XPO1: variants seen among roughly 807,000 people sequenced by gnomAD.
XPO1 encodes exportin-1.
In XPO1, 5 loss-of-function variants were observed where a neutral mutation model predicts 133.3. The ratio of observed to expected loss-of-function variants is 0.04; its 90% CI spans 0.02 to 0.08. The LOEUF (loss-of-function observed/expected upper bound fraction) is 0.08, where lower values mean the gene tolerates loss of function less well. Ranked by LOEUF, XPO1 falls within the 10% of genes least tolerant of loss-of-function variation. XPO1 has a pLI of 1.00. For missense variants in XPO1, 506 were observed against 1,267.5 expected (o/e 0.40, Z 9.12); for synonymous variants, 419 against 408.2 (o/e 1.03, Z -0.32).
chr2:61,480,270 A>ATCAG (rs1312491377), intron 24 of XPO1: 3 of 145,368 alleles, frequency 2.1e-5, no homozygotes, highest in Non-Finnish European at 4.5e-5. Flanking sequence ...CTTCGTAGCT[A>ATCAG]TCAGTTAACT....
At chr2:61,507,444 C>T (rs1053544700) in intron 4 of XPO1, among the ~76,000 whole-genome samples, 14 of 152,006 alleles carry the variant, frequency 9.2e-5, no homozygotes, top group East Asian at 3.9e-4. Context: ...CACAGTCGTT[C>T]GTGCCTATAC....
Position 61,537,571 on chromosome 2 carries a change from G to T in XPO1, c.-16C>A. 1 of 151,436 alleles carries T rather than the reference G, an allele frequency of 6.6e-6. No individual in the cohort carries two copies. The highest frequency in any genetic ancestry group is 1.9e-4 in the South Asian group (1 of 5,374). The allele number at this position is 151,436 out of a possible 1,614,324, so 9.4% of individuals were successfully genotyped here. ...GACACAGTCGACTTACCCAGAGATT[G>T]AACCAACTGCTCCTTCCTTCCTCGT... On this transcript the variant is annotated 5_prime_UTR_variant, in exon 1 of 25. Coordinates refer to ENST00000401558, the MANE Select transcript of XPO1 (RefSeq NM_003400.4).
chr2:61,537,387 A>G (rs1406952909), intron 1 of XPO1, among the ~76,000 whole-genome samples, 175 bp downstream of exon 1: 1 of 150,162 alleles, frequency 6.7e-6, no homozygotes, highest in Admixed American at 6.6e-5. Flanking sequence ...CCAGCGGCAA[A>G]AGCGGCTCCA....
In XPO1 at chr2:61,478,137, C is replaced by A; in HGVS notation, c.*683G>T. 4.3e-6 allele frequency: 1 copy of A among 231,520 alleles called. No homozygotes were observed. Among genetic ancestry groups the A allele is most frequent in the Non-Finnish European group, 8.6e-6 (1 of 116,734 alleles). The allele number at this position is 231,520 out of a possible 1,614,324, so 14.3% of individuals were successfully genotyped here. A position where few individuals can be genotyped will look rare whatever the true frequency, so the allele number is the denominator to read the frequency against. ...GAGTTAATGAAGGCTCACAAATGAG[C>A]AACACTCCTCATTGAGGAAAACAAA... On this transcript the variant is annotated 3_prime_UTR_variant, in exon 25 of 25. Coordinates refer to ENST00000401558, the MANE Select transcript of XPO1 (RefSeq NM_003400.4).
chr2:61,497,117 T>C (rs2104474002), intron 9 of XPO1, 110 bp from the exon 10 acceptor site: 1 of 1,367,900 alleles, frequency 7.3e-7, no homozygotes. Context: ...TAGGGGTAGA[T>C]GTCAAAAACA....
At chr2:61,536,583 G>C (rs1022211880) in intron 1 of XPO1, 1 of 152,264 alleles carries the variant, frequency 6.6e-6, no homozygotes, top group African/African-American at 2.4e-5. Context: ...CTGCTCCTTA[G>C]GTTGTGTGGG....
rs146788194 is a variant in XPO1 at position 61,492,585 on chromosome 2, A to G, written c.1548T>C (p.Phe516=). 9.2e-5 allele frequency: 149 copies of G among 1,612,164 alleles called. No individual in the cohort carries two copies. Among genetic ancestry groups the G allele is most frequent in the Non-Finnish European group, 1.2e-4 (138 of 1,179,528 alleles). Residue 516 remains phenylalanine, a synonymous_variant, in exon 14 of 25, where the codon TTT becomes TTC. Transcript: ENST00000401558. This position sits in a 1 kb window ranked among gnomAD's most constrained non-coding sequence, Gnocchi z 5.6. ...GAMHEEDEKR[F]LVTVIKDLLG... ...TGCATACCTTTATAACAGTAACAAGAAATCGTTTTTCGTCCTCTTCATGCA... is the reference window on the plus strand; with the variant it reads ...TGCATACCTTTATAACAGTAACAAGGAATCGTTTTTCGTCCTCTTCATGCA...
chr2:61,486,315 AGG>A (rs1696690988), intron 19 of XPO1, among the ~76,000 whole-genome samples: 1 of 152,122 alleles, frequency 6.6e-6, no homozygotes, highest in Non-Finnish European at 1.5e-5. Flanking sequence ...CTGGGACTAT[AGG>A]TATAGCACCA....
At chr2:61,491,459 A>ACACACACACACACAC (rs1696983059) in intron 16 of XPO1, among the ~76,000 whole-genome samples, 3 of 143,010 alleles carry the variant, frequency 2.1e-5, no homozygotes, top group African/African-American at 5.2e-5. Context: ...TCAAAAAACA[A>ACACACACACACACAC]ACACACACAC....
At chr2:61,528,736 TATA>T (rs1699023056) in intron 2 of XPO1, among the ~76,000 whole-genome samples, 1 of 1,890 alleles carries the variant, frequency 5.3e-4, no homozygotes, top group Non-Finnish European at 8.9e-4. Context: ...ATTTTATTTA[TATA>T]TATATATATA....
intron 19 of XPO1, among the ~76,000 whole-genome samples, chr2:61,487,081 C>G (rs1696732504): frequency 6.6e-6 from 1 of 151,430 alleles, no homozygotes; most frequent in Admixed American, 6.6e-5. Flanking sequence ...CTCTGGGGTT[C>G]AAGTGATTCT....
chr2:61,495,376 A>G, intron 11 of XPO1, 79 bp downstream of exon 11: 2 of 1,124,304 alleles, frequency 1.8e-6, no homozygotes, highest in Non-Finnish European at 2.4e-6. Flanking sequence ...AAAGGTACAT[A>G]CATTTTAGAA....
At chr2:61,480,873 A>G (rs1364937652) in intron 24 of XPO1, among the ~76,000 whole-genome samples, 6 of 152,146 alleles carry the variant, frequency 3.9e-5, no homozygotes, top group Non-Finnish European at 8.8e-5. Flanking sequence ...CAAAATTGGT[A>G]TAAAATTATA....
chr2:61,514,142 G>A (rs1311452568), intron 4 of XPO1, among the ~76,000 whole-genome samples: 9 of 150,428 alleles, frequency 6.0e-5, no homozygotes, highest in Non-Finnish European at 1.3e-4. Flanking sequence ...AGCTGAGATT[G>A]TGCCACCACA....
intron 17 of XPO1, among the ~76,000 whole-genome samples, chr2:61,489,826 T>A (rs1696883916): frequency 6.6e-6 from 1 of 152,050 alleles, no homozygotes; most frequent in Non-Finnish European, 1.5e-5. Flanking sequence ...AGTGCTGGGA[T>A]TACAGGCATG....
In XPO1 at chr2:61,482,509, T is replaced by C. The variant is rs1696437776; in HGVS notation, c.2843A>G (p.Tyr948Cys). The C allele has an allele frequency of 6.2e-7, 1 of 1,611,372 alleles. No homozygotes were observed. The highest frequency in any genetic ancestry group is 8.5e-7 in the Non-Finnish European group (1 of 1,179,050). ...TCCTTCTTCAACCAAATTAAACATA[T>C]ATGCAAGAATTGATGCATGCATTGT... ...GLTMHASILA[Y>C]MFNLVEEGKI... Residue 948 changes from tyrosine (Y) to cysteine (C), a missense_variant, in exon 23 of 25, where the codon TAT becomes TGT. Tyr to Cys is a radical substitution (Grantham distance 194). Around this residue, in one of 6 missense-constraint regions of XPO1, gnomAD observed 203 missense variants for 365.9 expected, o/e 0.55. Transcript: ENST00000401558.
At chr2:61,497,453 C>T (rs544990189) in intron 9 of XPO1, among the ~76,000 whole-genome samples, 7 of 152,270 alleles carry the variant, frequency 4.6e-5, no homozygotes, top group African/African-American at 1.2e-4. Context: ...CCTCGTGATC[C>T]GCTCACCTCG....
rs1372195059 is a variant in XPO1, at chr2:61,533,808, A to G, written c.90T>C (p.Asn30=). ...CTCCATGGTATAAGCAATTCACCAC[A>G]TTATCTAATAAGTTGATATCCAGTT... The part of the protein sequence containing the change: ...SQKLDINLLD[N]VVNCLYHGEG... Residue 30 remains asparagine (N), a synonymous_variant, in exon 2 of 25, where the codon AAT becomes AAC. Coordinates refer to ENST00000401558, the MANE Select transcript of XPO1 (RefSeq NM_003400.4). The G allele has an allele frequency of 1.2e-6, 2 of 1,608,470 alleles. No individual in the cohort carries two copies. The highest frequency in any genetic ancestry group is 1.7e-6 in the Non-Finnish European group (2 of 1,177,988).
intron 3 of XPO1, among the ~76,000 whole-genome samples, chr2:61,523,887 G>C (rs1698801827): frequency 6.6e-6 from 1 of 152,116 alleles, no homozygotes; most frequent in Admixed American, 6.5e-5. Flanking sequence ...TACATTTGCA[G>C]AACATTCCTT....
Sources: allele counts gnomAD v4.1 joint callset (sites outside exome capture counted in the v4.1 genomes callset), GRCh38; gene constraint gnomAD v4.1.1; regional missense constraint gnomAD v4.1.1; non-coding constraint Gnocchi (gnomAD v3.1); transcripts MANE v1.5; gene names NCBI Gene and HGNC (gene_info 2026-07-23, HGNC 2026-07-21).